DSCAML1: variants seen among roughly 807,000 people sequenced by gnomAD.
DSCAML1 encodes cell adhesion molecule DSCAML1.
DSCAML1 carries 38 observed loss-of-function variants against 200.5 expected under a neutral mutation model. The observed-to-expected ratio is 0.19, with a 90% CI of 0.15 to 0.25. DSCAML1 has a LOEUF of 0.25. DSCAML1 is among the 10% of genes least tolerant of loss of function. The probability of loss-of-function intolerance (pLI) is 1.00; values close to 1 mark genes in which losing one functional copy is unlikely to be tolerated. For missense variants in DSCAML1, 2,223 were observed against 2,858.8 expected (o/e 0.78, Z 5.07); for synonymous variants, 1,215 against 1,165.0 (o/e 1.04, Z -0.87).
intron 3 of DSCAML1, among the ~76,000 whole-genome samples, chr11:117,704,688 T>C (rs1353880869): frequency 6.6e-6 from 1 of 152,068 alleles, no homozygotes; most frequent in African/African-American, 2.4e-5. Flanking sequence ...CTTGTTTCGC[T>C]CCAGCCAAAG....
intron 3 of DSCAML1, among the ~76,000 whole-genome samples, chr11:117,580,859 A>G (rs1257700219): frequency 2.0e-5 from 3 of 152,194 alleles, no homozygotes; most frequent in African/African-American, 4.8e-5. Flanking sequence ...AACCTTGAAC[A>G]TGGAGAAGGT....
chr11:117,784,650 C>A (rs946478380), intron 1 of DSCAML1, among the ~76,000 whole-genome samples: 6 of 152,142 alleles, frequency 3.9e-5, no homozygotes, highest in Non-Finnish European at 7.3e-5. Flanking sequence ...GTGACAAAGC[C>A]CTAGCAAGCT....
At chr11:117,467,552 T>C (rs2048608778) in intron 16 of DSCAML1, among the ~76,000 whole-genome samples, 1 of 152,234 alleles carries the variant, frequency 6.6e-6, no homozygotes, top group Non-Finnish European at 1.5e-5. Context: ...AACTGCATTT[T>C]TAAGCTCACT....
In DSCAML1 at chr11:117,518,747, A is replaced by G; in HGVS notation, c.1229T>C (p.Ile410Thr). ...CACCTTCTCGCTGAAGGACGAGACGATGCGGGGCGTGCCATCTGCAGGGAG... is the reference window on the plus strand; with the variant it reads ...CACCTTCTCGCTGAAGGACGAGACGGTGCGGGGCGTGCCATCTGCAGGGAG... ...IIALEDGTPR[I>T]VSSFSEKVVN... The change falls in exon 7 of 33, where the codon ATC becomes ACC. Residue 410 changes from isoleucine to threonine, a missense_variant. Around this residue, in one of 7 missense-constraint regions of DSCAML1, gnomAD observed 579 missense variants for 721.5 expected, o/e 0.80. Coordinates refer to ENST00000651296, the MANE Select transcript of DSCAML1 (RefSeq NM_020693.4). This position sits in a 1 kb window ranked among gnomAD's most constrained non-coding sequence, Gnocchi z 6.3. 1 of 1,611,870 alleles carries G rather than the reference A, an allele frequency of 6.2e-7. No individual in the cohort carries two copies. The highest frequency in any genetic ancestry group is 1.1e-5 in the South Asian group (1 of 91,068).
rs1347551085 is a variant in DSCAML1, at chr11:117,518,280, G to A, written c.1510+186C>T. On this transcript the variant is annotated intron_variant, in intron 7 of 32. Coordinates refer to ENST00000651296, the MANE Select transcript of DSCAML1 (RefSeq NM_020693.4). This position sits in a 1 kb window ranked among gnomAD's most constrained non-coding sequence, Gnocchi z 6.3. ...GGTGAACTGTACCAGACACACACAC[G>A]CACACAAGAATGGATGATGGCGCTT... 1.8e-5 allele frequency: 13 copies of A among 724,396 alleles called. No homozygotes were observed. Among genetic ancestry groups the A allele is most frequent in the Non-Finnish European group, 2.8e-5 (12 of 429,838 alleles). 44.9% of individuals were successfully genotyped at this position (724,396 alleles called of 1,614,324 possible).
intron 11 of DSCAML1, among the ~76,000 whole-genome samples, chr11:117,493,253 C>T (rs138676108): frequency 3.4e-4 from 52 of 152,160 alleles, no homozygotes; most frequent in African/African-American, 1.1e-3. Context: ...AAAGAGTAGA[C>T]GCGCAGGACG....
chr11:117,433,062 G>C, intron 29 of DSCAML1, 76 bp downstream of exon 29: 1 of 1,290,450 alleles, frequency 7.7e-7, no homozygotes, highest in Non-Finnish European at 1.1e-6. Context: ...ATGAGGGTTG[G>C]TGTTTGACTT....
At chr11:117,560,188 G>A (rs888631095) in intron 3 of DSCAML1, among the ~76,000 whole-genome samples, 1 of 152,090 alleles carries the variant, frequency 6.6e-6, no homozygotes, top group African/African-American at 2.4e-5. Flanking sequence ...TGGTGATGAT[G>A]GAAATAATAA....
chr11:117,665,871 G>C (rs557369619), intron 3 of DSCAML1, among the ~76,000 whole-genome samples: 1 of 152,330 alleles, frequency 6.6e-6, no homozygotes, highest in Non-Finnish European at 1.5e-5. Flanking sequence ...GGGATCTATA[G>C]TCAGCCCAAC....
At chr11:117,759,222 A>T (rs2137887594) in intron 3 of DSCAML1, among the ~76,000 whole-genome samples, 1 of 152,282 alleles carries the variant, frequency 6.6e-6, no homozygotes, top group South Asian at 2.1e-4. Context: ...GTGATTTCCA[A>T]GGCCCCCTAT....
intron 3 of DSCAML1, among the ~76,000 whole-genome samples, chr11:117,715,483 T>C (rs2053936571): frequency 6.6e-6 from 1 of 152,222 alleles, no homozygotes; most frequent in Admixed American, 6.5e-5. Flanking sequence ...ATCAAATGCC[T>C]ACTATGTGCC....
rs569839312 is a variant in DSCAML1 at position 117,664,371 on chromosome 11, G to T, written c.511+112420C>A. On this transcript the variant is annotated intron_variant, in intron 3 of 32. Transcript: ENST00000651296. ...AATAAGTACATTTATGAATTGCAGT[G>T]GGATAGAGAGGGTGGGGACTTTGAA... 4.7e-4 allele frequency among the ~76,000 whole-genome samples: 72 copies of T among 152,306 alleles called. No homozygotes were observed. The South Asian group carries it at 6.4e-3, about 14-fold the overall frequency.
chr11:117,673,430 C>A (rs1243137598), intron 3 of DSCAML1, among the ~76,000 whole-genome samples: 1 of 152,180 alleles, frequency 6.6e-6, no homozygotes, highest in Non-Finnish European at 1.5e-5. Context: ...TTCTTCCCAT[C>A]ATGCTTGAGA....
intron 3 of DSCAML1, among the ~76,000 whole-genome samples, chr11:117,548,415 C>A (rs950110194): frequency 3.9e-5 from 6 of 152,192 alleles, no homozygotes; most frequent in African/African-American, 1.4e-4. Context: ...AGCTCCTTCC[C>A]ATAGGGGTAC....
intron 3 of DSCAML1, among the ~76,000 whole-genome samples, chr11:117,577,533 C>T (rs1420736535): frequency 1.4e-5 from 1 of 72,358 alleles, no homozygotes; most frequent in Admixed American, 1.4e-4. Flanking sequence ...TTCCTTCCTT[C>T]CTTTCCTTCC....
rs1278906825 is a variant in DSCAML1, at chr11:117,518,098, G to A, written c.1510+368C>T. Among the ~76,000 whole-genome samples the A allele has an allele frequency of 6.6e-6, 1 of 152,180 alleles. No homozygotes were observed. Among genetic ancestry groups the A allele is most frequent in the Non-Finnish European group, 1.5e-5 (1 of 68,040 alleles). Reference sequence around the variant, plus strand: ...CCCTGCACTGTCTTGCCCTTACAAGGCCCTGGTGGGGCTGGCAGATACCAG... The same window carrying A: ...CCCTGCACTGTCTTGCCCTTACAAGACCCTGGTGGGGCTGGCAGATACCAG... On this transcript the variant is annotated intron_variant, in intron 7 of 32. Coordinates refer to ENST00000651296, the MANE Select transcript of DSCAML1 (RefSeq NM_020693.4). The surrounding 1 kb of genome is among the most constrained non-coding windows in gnomAD (Gnocchi z 6.3).
chr11:117,671,688 A>C (rs1188663818), intron 3 of DSCAML1, among the ~76,000 whole-genome samples: 1 of 152,222 alleles, frequency 6.6e-6, no homozygotes, highest in Non-Finnish European at 1.5e-5. Context: ...ACAGTCAGTC[A>C]AAAGCAATGC....
intron 8 of DSCAML1, among the ~76,000 whole-genome samples, chr11:117,507,790 A>C (rs2137283670): frequency 2.0e-5 from 3 of 152,174 alleles, no homozygotes; most frequent in Middle Eastern, 6.8e-3. Flanking sequence ...CCTGGAACCT[A>C]AATCCCAGCC....
chr11:117,667,835 G>A (rs2053011041), intron 3 of DSCAML1, among the ~76,000 whole-genome samples: 1 of 152,140 alleles, frequency 6.6e-6, no homozygotes, highest in African/African-American at 2.4e-5. Flanking sequence ...CCTGTCCCAT[G>A]AGCCACCCTG....
Sources: gnomAD v4.1 joint callset for allele counts (sites outside exome capture counted in the v4.1 genomes callset) on GRCh38, gnomAD v4.1.1 for gene constraint, gnomAD v4.1.1 regional missense constraint, Gnocchi (gnomAD v3.1) non-coding constraint, MANE v1.5 for transcripts, NCBI Gene and HGNC (gene_info 2026-07-23, HGNC 2026-07-21) for gene names.